DISC1: variants seen among roughly 807,000 people sequenced by gnomAD.
DISC1 encodes disrupted in schizophrenia 1 protein.
Under a neutral mutation model 84.5 loss-of-function variants are expected in DISC1, and 57 were observed. The ratio of observed to expected loss-of-function variants is 0.67; its 90% CI spans 0.55 to 0.84. The LOEUF (loss-of-function observed/expected upper bound fraction) is 0.84, where lower values mean the gene tolerates loss of function less well. DISC1 is among the 40% of genes least tolerant of loss of function. The probability of loss-of-function intolerance (pLI) is 0.00; values close to 1 mark genes in which losing one functional copy is unlikely to be tolerated. For missense variants in DISC1, 1,000 were observed against 1,057.8 expected (o/e 0.95, Z 0.76); for synonymous variants, 411 against 415.2 (o/e 0.99, Z 0.12).
intron 10 of DISC1, among the ~76,000 whole-genome samples, chr1:231,988,362 T>A (rs1297925519): frequency 6.6e-6 from 1 of 152,248 alleles, no homozygotes; most frequent in African/African-American, 2.4e-5. Context: ...ACGTTAATTA[T>A]TTTTTAAGTC....
chr1:231,820,634 A>G (rs2081420416), intron 9 of DISC1, among the ~76,000 whole-genome samples: 1 of 152,126 alleles, frequency 6.6e-6, no homozygotes, highest in Non-Finnish European at 1.5e-5. Flanking sequence ...CTGCCCCACA[A>G]CATGTGCCAT....
Position 231,958,799 on chromosome 1 carries a change from T to G in DISC1, c.1982-29T>G, listed in dbSNP as rs752681418. Reference sequence around the variant, plus strand: ...TATTCAATTGTGACTGCAGTTGCATTAACTTTGGATTTCCTTTTTTTCCCC... The same window carrying G: ...TATTCAATTGTGACTGCAGTTGCATGAACTTTGGATTTCCTTTTTTTCCCC... On this transcript the variant is annotated intron_variant, in intron 9 of 12. Coordinates refer to ENST00000439617, the MANE Select transcript of DISC1 (RefSeq NM_018662.3). The G allele has an allele frequency of 2.5e-6, 4 of 1,607,956 alleles. 1 individual carries two copies. Among genetic ancestry groups the G allele is most frequent in the Non-Finnish European group, 3.4e-6 (4 of 1,175,308 alleles).
intron 3 of DISC1, among the ~76,000 whole-genome samples, chr1:231,720,510 A>C (rs2069513685): frequency 1.3e-5 from 2 of 151,804 alleles, no homozygotes; most frequent in South Asian, 4.2e-4. Flanking sequence ...GGCTAATTTT[A>C]AAAATTTTTT....
chr1:231,981,304 A>G (rs1663568922), intron 10 of DISC1, among the ~76,000 whole-genome samples: 1 of 152,218 alleles, frequency 6.6e-6, no homozygotes, highest in Non-Finnish European at 1.5e-5. Flanking sequence ...TCTTTTCTAA[A>G]ATAAGTTGTC....
chr1:231,722,838 T>G, intron 3 of DISC1: 1 of 1,424,348 alleles, frequency 7.0e-7, no homozygotes, highest in Non-Finnish European at 9.1e-7. Context: ...ACTGTACCGT[T>G]TCTCCCATGC....
intron 1 of DISC1, among the ~76,000 whole-genome samples, chr1:231,683,530 A>G (rs1426840828): frequency 7.2e-6 from 1 of 139,570 alleles, no homozygotes; most frequent in African/African-American, 2.7e-5. Context: ...GGATCAAGCT[A>G]TCCTCCTGGG....
At chr1:231,767,359 G>GCC (rs2076243311) in intron 5 of DISC1, 90 bp downstream of exon 5, 1 of 1,542,310 alleles carries the variant, frequency 6.5e-7, no homozygotes, top group Non-Finnish European at 8.8e-7. Flanking sequence ...TTGGAGGGCA[G>GCC]TGGTGCAATC....
intron 9 of DISC1, among the ~76,000 whole-genome samples, chr1:231,847,780 C>T (rs1413984898): frequency 6.6e-6 from 1 of 152,166 alleles, no homozygotes; most frequent in Non-Finnish European, 1.5e-5. Context: ...GGAAAGCAGC[C>T]ACCCAGCAAT....
chr1:232,003,368 T>C (rs1572587382), intron 10 of DISC1, among the ~76,000 whole-genome samples: 1 of 152,130 alleles, frequency 6.6e-6, no homozygotes, highest in East Asian at 1.9e-4. Flanking sequence ...GGCTAAAATA[T>C]CATCAACAAT....
intron 9 of DISC1, among the ~76,000 whole-genome samples, chr1:231,944,260 G>T (rs1358429499): frequency 6.6e-6 from 1 of 151,910 alleles, no homozygotes; most frequent in East Asian, 1.9e-4. Flanking sequence ...TCTGTGGTGG[G>T]GGCTTGGATG....
At chr1:231,762,113 TTTC>T (rs1291380324) in intron 4 of DISC1, among the ~76,000 whole-genome samples, 5 of 151,992 alleles carry the variant, frequency 3.3e-5, no homozygotes, top group South Asian at 2.1e-4. Flanking sequence ...TCTTCTTTCC[TTTC>T]TTTTCTTTTT....
intron 11 of DISC1, among the ~76,000 whole-genome samples, chr1:232,010,850 A>T (rs1213418547): frequency 6.6e-6 from 1 of 152,186 alleles, no homozygotes; most frequent in Non-Finnish European, 1.5e-5. Context: ...CTTCAGAGAT[A>T]AGGATACTCC....
intron 3 of DISC1, among the ~76,000 whole-genome samples, chr1:231,716,683 G>C (rs963975147): frequency 6.6e-6 from 1 of 152,152 alleles, no homozygotes; most frequent in African/African-American, 2.4e-5. Context: ...TCTCTCTTCT[G>C]ATTATGTTTC....
chr1:231,661,725 C>A (rs2061578170), intron 1 of DISC1, among the ~76,000 whole-genome samples: 1 of 152,182 alleles, frequency 6.6e-6, no homozygotes, highest in African/African-American at 2.4e-5. Flanking sequence ...TTATTACCCA[C>A]CTTCTGAAGT....
At chr1:231,702,250 C>T in intron 3 of DISC1, 1 of 1,241,014 alleles carries the variant, frequency 8.1e-7, no homozygotes. Context: ...ATCAATTGTC[C>T]AGAAACACTT....
At chr1:231,646,272 C>A (rs750494127) in intron 1 of DISC1, among the ~76,000 whole-genome samples, 1 of 151,568 alleles carries the variant, frequency 6.6e-6, no homozygotes, top group African/African-American at 2.4e-5. Flanking sequence ...TTTGTCCTTG[C>A]GATAGTTTGC....
At chr1:231,946,626 A>G (rs932100851) in intron 9 of DISC1, among the ~76,000 whole-genome samples, 4 of 152,232 alleles carry the variant, frequency 2.6e-5, no homozygotes, top group Non-Finnish European at 4.4e-5. Flanking sequence ...ATCAGGCAAG[A>G]GAAAGAAATA....
chr1:232,005,668 T>C (rs1392944391), intron 10 of DISC1, among the ~76,000 whole-genome samples: 1 of 152,046 alleles, frequency 6.6e-6, no homozygotes, highest in Non-Finnish European at 1.5e-5. Context: ...GATCTCATCA[T>C]TTATGGACAT....
intron 6 of DISC1, among the ~76,000 whole-genome samples, chr1:231,778,897 C>T (rs2077162482): frequency 6.6e-6 from 1 of 152,190 alleles, no homozygotes; most frequent in African/African-American, 2.4e-5. Context: ...AACTGAGTTC[C>T]CAGCCCCAGT....
Sources: allele counts gnomAD v4.1 joint callset (sites outside exome capture counted in the v4.1 genomes callset), GRCh38; gene constraint gnomAD v4.1.1; transcripts MANE v1.5; gene names NCBI Gene and HGNC (gene_info 2026-07-23, HGNC 2026-07-21).